Variants in CLDN14 observed in about 807,000 individuals in gnomAD.
The protein encoded by CLDN14 is claudin-14.
In CLDN14, 2 loss-of-function variants were observed where a neutral mutation model predicts 2.1. The ratio of observed to expected loss-of-function variants is 0.96; its 90% CI spans 0.39 to 3.01. CLDN14 has a LOEUF of 3.01. CLDN14 is among the 30% of genes most tolerant of loss of function. The probability of loss-of-function intolerance (pLI) is 0.09; values close to 1 mark genes in which losing one functional copy is unlikely to be tolerated. For synonymous variants in CLDN14, 136 were observed against 154.4 expected, an observed-to-expected ratio of 0.88 and a Z score of 0.88; for missense variants, 298 against 328.0, an observed-to-expected ratio of 0.91 and a Z score of 0.71.
At chr21:36,560,708 G>A (rs1031543682) in intron 1 of CLDN14, among the ~76,000 whole-genome samples, 6 of 152,134 alleles carry the variant, frequency 3.9e-5, no homozygotes, top group Non-Finnish European at 8.8e-5. Context: ...CTCTAATAGT[G>A]GGCATAGAAA....
chr21:36,460,885 G>A lies in CLDN14; in HGVS notation c.*91C>T. ...CCTTGGATACAAAAATTGCCCAGAA[G>A]TAAACTTTGTGCTGGAACCCCTGCC... On this transcript the variant is annotated 3_prime_UTR_variant, in exon 2 of 2. Coordinates refer to ENST00000399135, the MANE Select transcript of CLDN14 (RefSeq NM_001146079.2). The surrounding 1 kb of genome is among the most constrained non-coding windows in gnomAD (Gnocchi z 4.0). The A allele has an allele frequency of 2.7e-6, 4 of 1,483,818 alleles. No individual in the cohort carries two copies. Among genetic ancestry groups the A allele is most frequent in the Non-Finnish European group, 3.7e-6 (4 of 1,089,070 alleles). The allele number at this position is 1,483,818 out of a possible 1,614,324, so 91.9% of individuals were successfully genotyped here.
chr21:36,537,663 T>TTTTTTTTTTTTTGTG (rs2087437389), intron 1 of CLDN14, among the ~76,000 whole-genome samples: 1 of 150,950 alleles, frequency 6.6e-6, no homozygotes, highest in African/African-American at 2.4e-5. Flanking sequence ...TTTCTTTTTT[T>TTTTTTTTTTTTTGTG]TTTTGAGACG....
chr21:36,556,924 T>C (rs1443090315), intron 1 of CLDN14, among the ~76,000 whole-genome samples: 1 of 152,220 alleles, frequency 6.6e-6, no homozygotes, highest in Non-Finnish European at 1.5e-5. Flanking sequence ...TGTAACTTCA[T>C]ACCAGGTGAA....
intron 1 of CLDN14, among the ~76,000 whole-genome samples, chr21:36,565,678 C>T (rs1239519594): frequency 6.6e-6 from 1 of 152,200 alleles, no homozygotes; most frequent in Non-Finnish European, 1.5e-5. Context: ...TGTTTATGTG[C>T]CATGCCCCTG....
At chr21:36,573,531 A>G (rs1467606651) in intron 1 of CLDN14, among the ~76,000 whole-genome samples, 1 of 152,162 alleles carries the variant, frequency 6.6e-6, no homozygotes, top group African/African-American at 2.4e-5. Flanking sequence ...AATTATCCTC[A>G]TCAAAACTAT....
At chr21:36,488,195 T>C (rs1393420347) in intron 2 of CLDN14, among the ~76,000 whole-genome samples, 1 of 146,454 alleles carries the variant, frequency 6.8e-6, no homozygotes, top group African/African-American at 2.5e-5. Flanking sequence ...ATATGCCCAT[T>C]GCAAAAAGAC....
chr21:36,521,001 G>A (rs1345170360), intron 1 of CLDN14, among the ~76,000 whole-genome samples: 1 of 152,186 alleles, frequency 6.6e-6, no homozygotes, highest in Non-Finnish European at 1.5e-5. Flanking sequence ...TTTGCAAGCT[G>A]TGCAGAGCAG....
At chr21:36,539,897 G>A (rs996731920) in intron 1 of CLDN14, among the ~76,000 whole-genome samples, 25 of 151,464 alleles carry the variant, frequency 1.7e-4, no homozygotes, top group Admixed American at 7.2e-4. Flanking sequence ...TCTGTGCAGA[G>A]GGAGTGTATG....
intron 1 of CLDN14, among the ~76,000 whole-genome samples, chr21:36,556,383 T>G (rs2087599359): frequency 6.6e-6 from 1 of 152,088 alleles, no homozygotes. Context: ...CCCTGGACCT[T>G]TTTGTGCTTG....
chr21:36,464,663 C>T (rs982754897), intron 1 of CLDN14, among the ~76,000 whole-genome samples: 2 of 152,238 alleles, frequency 1.3e-5, no homozygotes, highest in African/African-American at 4.8e-5. Context: ...CCAGCGGACC[C>T]ACCCTGCACC....
chr21:36,538,896 C>T (rs2087455075), intron 1 of CLDN14, among the ~76,000 whole-genome samples: 1 of 152,212 alleles, frequency 6.6e-6, no homozygotes, highest in Non-Finnish European at 1.5e-5. Flanking sequence ...GTACGAGTCA[C>T]CTGACCCCCA....
At chr21:36,557,217 AT>A (rs2146521561) in intron 1 of CLDN14, among the ~76,000 whole-genome samples, 1 of 152,310 alleles carries the variant, frequency 6.6e-6, no homozygotes, top group East Asian at 1.9e-4. Context: ...TTGTTGGCAC[AT>A]CTTGATTATT....
chr21:36,485,548 G>T (rs2086886548), intron 2 of CLDN14, among the ~76,000 whole-genome samples: 2 of 151,938 alleles, frequency 1.3e-5, no homozygotes, highest in African/African-American at 4.8e-5. Context: ...GATCACTTCT[G>T]TCACCAGCGA....
At chr21:36,470,877 G>T (rs751943552) in intron 1 of CLDN14, among the ~76,000 whole-genome samples, 1 of 152,248 alleles carries the variant, frequency 6.6e-6, no homozygotes, top group Non-Finnish European at 1.5e-5. Context: ...TTTGGAAGCT[G>T]AGGTGGGAGG....
rs2086946269 is a variant in CLDN14 at position 36,490,186 on chromosome 21, A to G, written c.-82+20177T>C. On this transcript the variant is annotated intron_variant, in intron 2 of 2. Transcript: ENST00000342108. ...CAAAGGGAGAAGAATGCTCTGTTTT[A>G]TTTTATTCTATTTAACTTTGTTAAT... Among the ~76,000 whole-genome samples, 5 of 152,022 alleles carry G rather than the reference A, an allele frequency of 3.3e-5. 1 individual carries two copies. Among genetic ancestry groups the G allele is most frequent in the Admixed American group, 2.6e-4 (4 of 15,254 alleles).
At position 36,525,519 on chromosome 21, in the gene CLDN14, G is replaced by A. The variant is rs565975477; in HGVS notation, c.-219-15019C>T. Among the ~76,000 whole-genome samples, 11 of 152,298 alleles carry A rather than the reference G, an allele frequency of 7.2e-5. No homozygotes were observed. The East Asian group carries it at 2.1e-3, about 29-fold the overall frequency. Reference sequence around the variant, plus strand: ...TTGGAGGATGGCAAGGAGCCCCTCAGCCACAACAGGGGACACCAAAGATGA... The same window carrying A: ...TTGGAGGATGGCAAGGAGCCCCTCAACCACAACAGGGGACACCAAAGATGA... On this transcript the variant is annotated intron_variant, in intron 1 of 2. Transcript: ENST00000342108.
At chr21:36,532,929 C>T (rs1294145876) in intron 1 of CLDN14, among the ~76,000 whole-genome samples, 1 of 152,080 alleles carries the variant, frequency 6.6e-6, no homozygotes, top group South Asian at 2.1e-4. Flanking sequence ...CATTGGTGAC[C>T]GACATCCTGT....
chr21:36,489,131 A>AAATATATATATATATATATATATATAT, intron 2 of CLDN14, among the ~76,000 whole-genome samples: 1 of 62,750 alleles, frequency 1.6e-5, no homozygotes, highest in African/African-American at 5.9e-5. Flanking sequence ...AAAAAAAAAA[A>AAATATATATATATATATATATATATAT]ATATATATAT....
At chr21:36,570,072 A>G (rs565031403) in intron 1 of CLDN14, among the ~76,000 whole-genome samples, 1 of 152,324 alleles carries the variant, frequency 6.6e-6, no homozygotes, top group African/African-American at 2.4e-5. Context: ...TAAGACGTAC[A>G]CTGATTTGAT....
Sources: gnomAD v4.1 joint callset for allele counts (sites outside exome capture counted in the v4.1 genomes callset) on GRCh38, gnomAD v4.1.1 for gene constraint, Gnocchi (gnomAD v3.1) non-coding constraint, MANE v1.5 for transcripts, NCBI Gene and HGNC (gene_info 2026-07-23, HGNC 2026-07-21) for gene names.